Variants in ASTN2 observed in about 807,000 individuals in gnomAD.
ASTN2 encodes astrotactin 2.
Under a neutral mutation model 139.8 loss-of-function variants are expected in ASTN2, and 54 were observed. The observed-to-expected ratio is 0.39, with a 90% CI of 0.31 to 0.48. ASTN2 has a LOEUF of 0.48. Among genes scored for constraint, ASTN2 ranks in the 20% least tolerant of loss-of-function variants. ASTN2 has a pLI of 0.95. For synonymous variants in ASTN2, 756 were observed against 719.5 expected, an observed-to-expected ratio of 1.05 and a Z score of -0.81; for missense variants, 1,565 against 1,725.1, an observed-to-expected ratio of 0.91 and a Z score of 1.64.
At chr9:116,543,947 T>TG (rs1851984561) in intron 19 of ASTN2, 1 of 152,234 alleles carries the variant, frequency 6.6e-6, no homozygotes, top group Admixed American at 6.5e-5. Context: ...AAAGCCTATG[T>TG]GACCGGGAGT....
chr9:116,467,231 C>G lies in ASTN2; in HGVS notation c.3497+20128G>C, dbSNP rs922349972. Among the ~76,000 whole-genome samples the G allele has an allele frequency of 2.7e-5, 4 of 149,086 alleles. No individual in the cohort carries two copies. The South Asian group carries it at 9.0e-4, about 34-fold the overall frequency. ...CTCACTTTAGAATGCAGCCAGCACA[C>G]AGCAAACTTGAGGAAAGAGATAGAG... On this transcript the variant is annotated intron_variant, in intron 20 of 22. Coordinates refer to ENST00000313400, the MANE Select transcript of ASTN2 (RefSeq NM_001365068.1).
intron 22 of ASTN2, among the ~76,000 whole-genome samples, chr9:116,436,717 C>A (rs1166211571): frequency 6.6e-6 from 1 of 151,648 alleles, no homozygotes. Flanking sequence ...GGGTATATAC[C>A]CAAAGGACTA....
At chr9:117,342,923 G>C (rs1203655013) in intron 1 of ASTN2, among the ~76,000 whole-genome samples, 6 of 152,114 alleles carry the variant, frequency 3.9e-5, no homozygotes, top group Non-Finnish European at 2.9e-5. Flanking sequence ...ATGACATTCT[G>C]GGAGGCCACA....
rs1028648070 is a variant in ASTN2, at chr9:116,424,999, G to C, written c.*852C>G. 6.6e-6 allele frequency among the ~76,000 whole-genome samples: 1 copy of C among 152,072 alleles called. No individual in the cohort carries two copies. Among genetic ancestry groups the C allele is most frequent in the Non-Finnish European group, 1.5e-5 (1 of 68,006 alleles). On this transcript the variant is annotated 3_prime_UTR_variant, in exon 23 of 23. Coordinates refer to ENST00000313400, the MANE Select transcript of ASTN2 (RefSeq NM_001365068.1). The stretch of plus-strand genomic sequence containing the variant: ...TCAGGAGCCCTCCAGTGTGTCTCAT[G>C]CTCTAACAGTGAGTGCAAAGAACCT...
At chr9:117,385,595 T>C (rs558553705) in intron 1 of ASTN2, among the ~76,000 whole-genome samples, 1 of 152,048 alleles carries the variant, frequency 6.6e-6, no homozygotes, top group Admixed American at 6.5e-5. Flanking sequence ...ATAGGAAACA[T>C]TGACAACTGC....
intron 10 of ASTN2, among the ~76,000 whole-genome samples, chr9:116,881,208 A>G (rs570539178): frequency 1.3e-5 from 2 of 152,208 alleles, no homozygotes; most frequent in Non-Finnish European, 2.9e-5. Context: ...TGGGTGGGAG[A>G]AAAGGGAGCT....
At chr9:116,966,970 C>T (rs961254307) in intron 10 of ASTN2, among the ~76,000 whole-genome samples, 4 of 152,186 alleles carry the variant, frequency 2.6e-5, no homozygotes, top group Non-Finnish European at 5.9e-5. Context: ...ACAAAACATC[C>T]TGAGTTGAAA....
chr9:117,293,082 G>C (rs998544654), intron 1 of ASTN2, among the ~76,000 whole-genome samples: 22 of 150,692 alleles, frequency 1.5e-4, no homozygotes, highest in African/African-American at 5.5e-4. Flanking sequence ...TCATCCTTCA[G>C]CTGCTCTGAA....
At chr9:117,371,924 C>A (rs1050532310) in intron 1 of ASTN2, among the ~76,000 whole-genome samples, 1 of 152,116 alleles carries the variant, frequency 6.6e-6, no homozygotes. Context: ...CCAGGCAGGG[C>A]TCTTCGTCTG....
Position 116,456,850 on chromosome 9 carries a change from A to G in ASTN2, c.3498-14297T>C, listed in dbSNP as rs542536875. ...CATTGTTCAGATAAATAGAAAACAA[A>G]TCCTAAAATTCCTGTGAAACCACCA... On this transcript the variant is annotated intron_variant, in intron 20 of 22. Coordinates refer to ENST00000313400, the MANE Select transcript of ASTN2 (RefSeq NM_001365068.1). Among the ~76,000 whole-genome samples, 5 of 152,288 alleles carry G rather than the reference A, an allele frequency of 3.3e-5. No homozygotes were observed. The South Asian group carries it at 1.0e-3, about 32-fold the overall frequency.
At chr9:116,642,929 C>G (rs535838420) in intron 17 of ASTN2, among the ~76,000 whole-genome samples, 141 of 152,290 alleles carry the variant, frequency 9.3e-4, no homozygotes, top group African/African-American at 3.2e-3. Flanking sequence ...TTTATTTCTA[C>G]CAAATCTTTC....
chr9:116,892,785 C>A (rs1833795160), intron 10 of ASTN2, among the ~76,000 whole-genome samples: 1 of 152,224 alleles, frequency 6.6e-6, no homozygotes, highest in African/African-American at 2.4e-5. Context: ...TGCTCAGTGT[C>A]ATGGGATGAC....
chr9:116,911,340 A>G (rs1355618211), intron 10 of ASTN2, among the ~76,000 whole-genome samples: 2 of 152,230 alleles, frequency 1.3e-5, no homozygotes, highest in African/African-American at 2.4e-5. Flanking sequence ...ACATTCTACA[A>G]AATGCCTGAC....
intron 11 of ASTN2, among the ~76,000 whole-genome samples, chr9:116,854,975 A>AC (rs1344936633): frequency 6.7e-6 from 1 of 148,156 alleles, no homozygotes; most frequent in Non-Finnish European, 1.5e-5. Flanking sequence ...TTCCCCCCCC[A>AC]CCATTATTTC....
intron 1 of ASTN2, among the ~76,000 whole-genome samples, chr9:117,324,688 C>T (rs1217538315): frequency 2.6e-5 from 4 of 152,208 alleles, no homozygotes; most frequent in Non-Finnish European, 5.9e-5. Flanking sequence ...AAAAATTATG[C>T]AATCCCAGTA....
At chr9:116,766,868 T>C (rs1157879817) in intron 13 of ASTN2, among the ~76,000 whole-genome samples, 2 of 149,952 alleles carry the variant, frequency 1.3e-5, no homozygotes, top group Non-Finnish European at 3.0e-5. Flanking sequence ...TACTCACACA[T>C]AAACACACAC....
At chr9:116,790,900 A>T (rs1361598366) in intron 13 of ASTN2, among the ~76,000 whole-genome samples, 1 of 150,562 alleles carries the variant, frequency 6.6e-6, no homozygotes, top group East Asian at 2.0e-4. Flanking sequence ...GAAAAAGAGG[A>T]AAGAAAGAAA....
At chr9:116,678,475 C>T (rs1090023) in intron 16 of ASTN2, among the ~76,000 whole-genome samples, 88,352 of 151,904 alleles carry the variant, frequency 0.58, 26,153 homozygotes, top group East Asian at 0.87. Context: ...GTGTAGGGAA[C>T]GTGTTTTTGG....
At chr9:116,533,158 G>A (rs1014618458) in intron 19 of ASTN2, among the ~76,000 whole-genome samples, 2 of 152,086 alleles carry the variant, frequency 1.3e-5, no homozygotes, top group Non-Finnish European at 2.9e-5. Flanking sequence ...TTGGCTCTCT[G>A]TTTGTCTGTT....
Sources: allele counts gnomAD v4.1 joint callset (sites outside exome capture counted in the v4.1 genomes callset), GRCh38; gene constraint gnomAD v4.1.1; transcripts MANE v1.5; gene names NCBI Gene and HGNC (gene_info 2026-07-23, HGNC 2026-07-21).